The following CES2 variants were observed in gnomAD, a reference collection of about 807,000 sequenced individuals.
CES2 encodes carboxylesterase 2, also known as cocaine esterase.
A neutral mutation model predicts 52.1 loss-of-function variants in CES2; 42 were observed. That is an observed-to-expected ratio of 0.81 (90% CI 0.63 to 1.04). The LOEUF (loss-of-function observed/expected upper bound fraction) is 1.04, where lower values mean the gene tolerates loss of function less well. Among genes scored for constraint, CES2 ranks in the 50% least tolerant of loss-of-function variants. CES2 has a pLI of 0.00. For missense variants in CES2, 656 were observed against 724.3 expected (o/e 0.91, Z 1.08); for synonymous variants, 277 against 289.6 (o/e 0.96, Z 0.44).
At chr16:66,940,134 G>T in intron 3 of CES2, 88 bp from the exon 4 acceptor site, 1 of 1,550,792 alleles carries the variant, frequency 6.4e-7, no homozygotes, top group South Asian at 1.2e-5. Context: ...GAGGTAGACA[G>T]AGGCAAAGCA....
chr16:66,935,188 C>G (rs1286965301), upstream of CES2: 3 of 418,854 alleles, frequency 7.2e-6, no homozygotes, highest in Admixed American at 1.2e-4. Flanking sequence ...TCCCATTTCT[C>G]CATCTGGGGG....
At position 66,938,231 on chromosome 16, in the gene CES2, C is replaced by G; in HGVS notation, c.271C>G (p.His91Asp). The change falls in exon 2 of 12, where the codon CAT (histidine) becomes GAT (aspartate). Residue 91 changes from histidine to aspartate, a missense_variant. By Grantham distance (81) the His-to-Asp change is moderately conservative. Transcript: ENST00000317091. ...GAGTGGTGTGAGGGATGGAACCACC[C>G]ATCCGGCCATGTAAGCTCTCCAAGG... Reference protein sequence around the residue: ...SWSGVRDGTTHPAMCLQDLTA... With the variant: ...SWSGVRDGTTDPAMCLQDLTA... 6.2e-7 allele frequency: 1 copy of G among 1,613,320 alleles called. No homozygotes were observed. Among genetic ancestry groups the G allele is most frequent in the Non-Finnish European group, 8.5e-7 (1 of 1,179,228 alleles).
At position 66,935,570 on chromosome 16, in the gene CES2, C is replaced by T. The variant is rs765649048; in HGVS notation, c.-66C>T. 1.2e-6 allele frequency: 2 copies of T among 1,613,768 alleles called. No individual in the cohort carries two copies. The highest frequency in any genetic ancestry group is 2.2e-5 in the South Asian group (2 of 91,092). On this transcript the variant is annotated 5_prime_UTR_variant, in exon 1 of 12. Transcript: ENST00000317091. ...GGCACTGATCCACTGCTGGACAGAC[C>T]CGGGGCAGCCTCTGGGTGAACAGCA...
chr16:66,937,935 C>A, intron 1 of CES2, 102 bp from the exon 2 acceptor site: 1 of 921,184 alleles, frequency 1.1e-6, no homozygotes, highest in Non-Finnish European at 1.7e-6. Context: ...GATCAGAGTC[C>A]CTTGAGCTAA....
intron 1 of CES2, among the ~76,000 whole-genome samples, chr16:66,937,729 G>A (rs1480825303): frequency 2.0e-5 from 3 of 152,134 alleles, no homozygotes; most frequent in African/African-American, 7.2e-5. Context: ...TCATCCTACT[G>A]TCACATGACC....
chr16:66,937,964 G>A, intron 1 of CES2, 73 bp from the exon 2 acceptor site: 1 of 1,239,106 alleles, frequency 8.1e-7, no homozygotes, highest in Non-Finnish European at 1.2e-6. Context: ...TGGCAAGGAA[G>A]CAGCAATACC....
chr16:66,941,270 G>A, intron 6 of CES2, 48 bp downstream of exon 6: 1 of 1,602,840 alleles, frequency 6.2e-7, no homozygotes, highest in South Asian at 1.1e-5. Flanking sequence ...CAATAGGCAT[G>A]GGGCTGGCAG....
At position 66,943,740 on chromosome 16, in the gene CES2, C is replaced by CTTGG. The variant is rs1963419065; in HGVS notation, c.1494-98_1494-95dup. The CTTGG allele has an allele frequency of 1.0e-6, 1 of 998,110 alleles. No homozygotes were observed. The highest frequency in any genetic ancestry group is 1.6e-5 in the African/African-American group (1 of 61,500). The allele number at this position is 998,110 out of a possible 1,614,324, so 61.8% of individuals were successfully genotyped here. On this transcript the variant is annotated intron_variant, in intron 11 of 11. Coordinates refer to ENST00000317091, the MANE Select transcript of CES2 (RefSeq NM_001365405.1). The surrounding 1 kb of genome is among the most constrained non-coding windows in gnomAD (Gnocchi z 4.2). ...TCATTCCCCAAGCCCACCTGGCCTG[C>CTTGG]TTGGCTGCCTTGCCTGACCAGACTC...
At position 66,938,121 on chromosome 16, in the gene CES2, G is replaced by C. The variant is rs201103548; in HGVS notation, c.161G>C (p.Gly54Ala). 1.9e-6 allele frequency: 3 copies of C among 1,614,156 alleles called. No homozygotes were observed. Among genetic ancestry groups the C allele is most frequent in the East Asian group, 2.2e-5 (1 of 44,872 alleles). ...SLVHVKGANA[G>A]VQTFLGIPFA... ...GTCCATGTGAAGGGCGCCAATGCCG[G>C]GGTCCAAACCTTCCTGGGAATTCCA... Residue 54 changes from glycine (G) to alanine (A), a missense_variant, in exon 2 of 12, where the codon GGG becomes GCG. Transcript: ENST00000317091.
In CES2 at chr16:66,941,507, C is replaced by T. The variant is rs1567548893; in HGVS notation, c.917C>T (p.Pro306Leu). 5.0e-6 allele frequency: 8 copies of T among 1,613,968 alleles called. No individual in the cohort carries two copies. In the South Asian group the frequency reaches 7.7e-5, roughly 16 times the overall value. Reference sequence around the variant, plus strand: ...CCCTGACCTTACATTTCCCCTCAGCCTTTCAAGATGATCCCCGGAGTGGTG... The same window carrying T: ...CCCTGACCTTACATTTCCCCTCAGCTTTTCAAGATGATCCCCGGAGTGGTG... ...SKEEILAINK[P>L]FKMIPGVVDG... The change falls in exon 7 of 12, where the codon CCT becomes CTT. Residue 306 changes from proline (P) to leucine (L), a missense_variant and splice_region_variant. Physicochemically the swap from Pro to Leu is moderately conservative, Grantham distance 98. Transcript: ENST00000317091.
chr16:66,937,160 G>A (rs535463288), intron 1 of CES2, among the ~76,000 whole-genome samples: 1 of 152,256 alleles, frequency 6.6e-6, no homozygotes, highest in East Asian at 1.9e-4. Context: ...CTGGGCAACA[G>A]ATGGCGACCT....
At position 66,938,093 on chromosome 16, in the gene CES2, C is replaced by A. The variant is rs747868574; in HGVS notation, c.133C>A (p.Leu45Ile). ...TTHTGQVLGS[L>I]VHVKGANAGV... ...ACACACGGGGCAGGTGCTGGGGAGT[C>A]TTGTCCATGTGAAGGGCGCCAATGC... Residue 45 changes from leucine (L) to isoleucine (I), a missense_variant, in exon 2 of 12, where the codon CTT (leucine) becomes ATT (isoleucine). Leu to Ile is a conservative substitution (Grantham distance 5, BLOSUM62 2). Coordinates refer to ENST00000317091, the MANE Select transcript of CES2 (RefSeq NM_001365405.1). 1.2e-6 allele frequency: 2 copies of A among 1,614,132 alleles called. No individual in the cohort carries two copies. Among genetic ancestry groups the A allele is most frequent in the Admixed American group, 3.3e-5 (2 of 60,022 alleles).
In CES2 at chr16:66,941,750, T is replaced by G. The variant is rs1279664426; in HGVS notation, c.1057-18T>G. The G allele has an allele frequency of 1.2e-6, 2 of 1,613,936 alleles. No individual in the cohort carries two copies. Among genetic ancestry groups the G allele is most frequent in the Admixed American group, 3.3e-5 (2 of 60,020 alleles). On this transcript the variant is annotated intron_variant, in intron 7 of 11. Coordinates refer to ENST00000317091, the MANE Select transcript of CES2 (RefSeq NM_001365405.1). Reference sequence around the variant, plus strand: ...GCTCATCCCATCCCCAGCTACAGACTCTCTCCTGGCCATCCAGGTCATGAG... The same window carrying G: ...GCTCATCCCATCCCCAGCTACAGACGCTCTCCTGGCCATCCAGGTCATGAG...
At chr16:66,940,117 T>C in intron 3 of CES2, 105 bp from the exon 4 acceptor site, 1 of 1,475,146 alleles carries the variant, frequency 6.8e-7, no homozygotes. Context: ...GCTGGAGATC[T>C]AATGGGGAGG....
chr16:66,936,343 T>C (rs960700224), intron 1 of CES2, among the ~76,000 whole-genome samples: 3 of 152,052 alleles, frequency 2.0e-5, no homozygotes, highest in African/African-American at 4.8e-5. Context: ...GACAACATAG[T>C]GAGACTCGGA....
chr16:66,935,234 G>C (rs1963169780), upstream of CES2: 5 of 531,622 alleles, frequency 9.4e-6, no homozygotes, highest in South Asian at 9.1e-5. Context: ...AAGCCCTCCT[G>C]GGGTCTCCAA....
Position 66,944,250 on chromosome 16 carries a change from C to T in CES2, c.*225C>T. ...TGGGAAGGATGAGATGGGAGGATGG[C>T]TTGAGGCCAGAGGTTTGAGACCGAC... On this transcript the variant is annotated 3_prime_UTR_variant, in exon 12 of 12. Transcript: ENST00000317091. The T allele has an allele frequency of 3.2e-6, 1 of 312,522 alleles. No individual in the cohort carries two copies. Among genetic ancestry groups the T allele is most frequent in the Non-Finnish European group, 5.8e-6 (1 of 172,116 alleles). The allele number at this position is 312,522 out of a possible 1,614,324, so 19.4% of individuals were successfully genotyped here.
At chr16:66,939,433 C>G in intron 3 of CES2, 75 bp downstream of exon 3, 1 of 1,484,184 alleles carries the variant, frequency 6.7e-7, no homozygotes, top group Non-Finnish European at 9.3e-7. Flanking sequence ...ACAATATTAG[C>G]TCAGGCCCTG....
upstream of CES2, chr16:66,935,388 G>A (rs1372521709): frequency 2.0e-6 from 3 of 1,524,804 alleles, no homozygotes; most frequent in Middle Eastern, 1.8e-4. Flanking sequence ...AAAGGAGCCC[G>A]GGCAAAGGAA....
Sources: allele counts gnomAD v4.1 joint callset (sites outside exome capture counted in the v4.1 genomes callset), GRCh38; gene constraint gnomAD v4.1.1; non-coding constraint Gnocchi (gnomAD v3.1); transcripts MANE v1.5; gene names NCBI Gene and HGNC (gene_info 2026-07-23, HGNC 2026-07-21).